The following CSMD1 variants were observed in gnomAD, a reference collection of about 807,000 sequenced individuals.
The protein encoded by CSMD1 is CUB and Sushi multiple domains 1, also known as CUB and sushi domain-containing protein 1.
In CSMD1, 213 loss-of-function variants were observed where a neutral mutation model predicts 417.5. The observed-to-expected ratio is 0.51, with a 90% CI of 0.46 to 0.57. CSMD1 has a LOEUF of 0.57. CSMD1 is among the 20% of genes least tolerant of loss of function. The pLI is 0.00. For missense variants in CSMD1, 6,923 were observed against 4,529.7 expected, an observed-to-expected ratio of 1.53 and a Z score of -15.17; for synonymous variants, 2,862 against 1,736.8, an observed-to-expected ratio of 1.65 and a Z score of -16.11.
At chr8:3,505,567 C>G (rs1030628190) in intron 10 of CSMD1, among the ~76,000 whole-genome samples, 1 of 152,128 alleles carries the variant, frequency 6.6e-6, no homozygotes, top group East Asian at 1.9e-4. Context: ...ACAGAATTCA[C>G]ACTAACAACA....
At chr8:4,972,801 T>C (rs947809733) in intron 1 of CSMD1, among the ~76,000 whole-genome samples, 1 of 151,932 alleles carries the variant, frequency 6.6e-6, no homozygotes, top group Non-Finnish European at 1.5e-5. Context: ...GAGCTAGGTG[T>C]TGTCTTGTTA....
chr8:3,246,848 G>C (rs1286611555), intron 26 of CSMD1, among the ~76,000 whole-genome samples: 3 of 152,102 alleles, frequency 2.0e-5, no homozygotes, highest in Non-Finnish European at 4.4e-5. Context: ...GTCTTTCATG[G>C]TGCCATTTTA....
Position 3,661,500 on chromosome 8 carries a change from T to C in CSMD1, c.1010-44703A>G, listed in dbSNP as rs183576514. Among the ~76,000 whole-genome samples, 4 of 109,886 alleles carry C rather than the reference T, an allele frequency of 3.6e-5. No individual in the cohort carries two copies. The East Asian group carries it at 1.3e-3, about 35-fold the overall frequency. 72.1% of individuals were successfully genotyped at this position (109,886 alleles called of 152,430 possible). On this transcript the variant is annotated intron_variant, in intron 7 of 69. Transcript: ENST00000635120. ...ATGTTCATTGCTCAATTAAACTGATTTTTTTTTCTTTTTTGAGACTGAGTC... is the reference window on the plus strand; with the variant it reads ...ATGTTCATTGCTCAATTAAACTGATCTTTTTTTCTTTTTTGAGACTGAGTC...
intron 12 of CSMD1, among the ~76,000 whole-genome samples, chr8:3,457,921 G>GA (rs1291397506): frequency 1.3e-5 from 2 of 152,140 alleles, no homozygotes; most frequent in African/African-American, 4.8e-5. Context: ...CATATGGCTG[G>GA]AAAAAAATAG....
chr8:4,327,111 C>G (rs913223163), intron 3 of CSMD1, among the ~76,000 whole-genome samples: 11 of 152,084 alleles, frequency 7.2e-5, no homozygotes, highest in Non-Finnish European at 1.5e-4. Context: ...AGAGGGGAAT[C>G]CAGCTGTAAT....
intron 5 of CSMD1, among the ~76,000 whole-genome samples, chr8:3,775,320 T>G (rs1484301652): frequency 6.6e-6 from 1 of 152,186 alleles, no homozygotes; most frequent in South Asian, 2.1e-4. Flanking sequence ...AGTGAAGTTA[T>G]GCAGGCAATG....
At chr8:4,154,512 G>C (rs950200628) in intron 3 of CSMD1, among the ~76,000 whole-genome samples, 51 of 152,144 alleles carry the variant, frequency 3.4e-4, no homozygotes, top group Non-Finnish European at 4.9e-4. Flanking sequence ...GTGCAGACAA[G>C]AGCCACTGTG....
intron 10 of CSMD1, among the ~76,000 whole-genome samples, chr8:3,564,807 A>G (rs1055272719): frequency 2.2e-4 from 33 of 152,074 alleles, no homozygotes; most frequent in Non-Finnish European, 4.1e-4. Flanking sequence ...GTGAGAGGGA[A>G]GTAGTCACCA....
chr8:4,890,094 T>A (rs1027232247), intron 1 of CSMD1, among the ~76,000 whole-genome samples: 6 of 152,112 alleles, frequency 3.9e-5, no homozygotes, highest in African/African-American at 1.4e-4. Context: ...CAGAAACTAG[T>A]TCTAAGAAAG....
At chr8:3,093,293 G>A (rs891346311) in intron 47 of CSMD1, among the ~76,000 whole-genome samples, 1 of 152,286 alleles carries the variant, frequency 6.6e-6, no homozygotes, top group East Asian at 1.9e-4. Flanking sequence ...CTGCAAGCCT[G>A]GGAGGGAGGC....
At chr8:4,235,978 G>T (rs1201306070) in intron 3 of CSMD1, among the ~76,000 whole-genome samples, 1 of 149,132 alleles carries the variant, frequency 6.7e-6, no homozygotes, top group African/African-American at 2.5e-5. Context: ...AAGCTACCTA[G>T]CAAGTGATTC....
At chr8:4,059,986 G>C (rs995830422) in intron 3 of CSMD1, among the ~76,000 whole-genome samples, 1 of 152,012 alleles carries the variant, frequency 6.6e-6, no homozygotes, top group Non-Finnish European at 1.5e-5. Context: ...CAGAGACACA[G>C]CCAAAAAAGA....
In CSMD1 at chr8:3,108,619, A is replaced by G; in HGVS notation, c.6738T>C (p.Phe2246=). 3 of 1,613,848 alleles carry G rather than the reference A, an allele frequency of 1.9e-6. No homozygotes were observed. The highest frequency in any genetic ancestry group is 2.5e-6 in the Non-Finnish European group (3 of 1,179,852). ...FHSDFSNGGF[F]VLNFHAFQLK... is the part of the protein sequence containing the mutation. ...TCAACTGACCGTGGAAATTGAGGAC[A>G]AAGAAGCCTCCATTTGAAAAGTCGC... The change falls in exon 44 of 70, where the codon TTT becomes TTC. Residue 2246 remains phenylalanine (F), a synonymous_variant. Transcript: ENST00000635120.
intron 26 of CSMD1, among the ~76,000 whole-genome samples, chr8:3,236,228 G>C (rs1195928850): frequency 2.0e-5 from 3 of 152,120 alleles, no homozygotes; most frequent in South Asian, 2.1e-4. Context: ...GAAAATGTGA[G>C]TTTCAATAAA....
chr8:3,080,255 T>G (rs1813989770), intron 49 of CSMD1, among the ~76,000 whole-genome samples: 1 of 152,168 alleles, frequency 6.6e-6, no homozygotes, highest in Admixed American at 6.5e-5. Context: ...ACAGAGAATT[T>G]CAGTTCTAAT....
At chr8:3,746,375 G>T (rs1302241490) in intron 6 of CSMD1, among the ~76,000 whole-genome samples, 1 of 152,144 alleles carries the variant, frequency 6.6e-6, no homozygotes, top group Non-Finnish European at 1.5e-5. Flanking sequence ...GAGATTTACT[G>T]GATACCATTG....
At chr8:3,748,743 G>A (rs968865817) in intron 6 of CSMD1, among the ~76,000 whole-genome samples, 2 of 152,146 alleles carry the variant, frequency 1.3e-5, no homozygotes, top group Non-Finnish European at 2.9e-5. Context: ...AACTCAAAAT[G>A]CCTTTCTAAT....
At chr8:3,481,349 A>C (rs190458065) in intron 11 of CSMD1, among the ~76,000 whole-genome samples, 2 of 152,220 alleles carry the variant, frequency 1.3e-5, no homozygotes, top group Admixed American at 1.3e-4. Flanking sequence ...AGTTCCATAA[A>C]TCTTACTTAA....
chr8:3,310,988 T>G (rs1392302750), intron 23 of CSMD1, among the ~76,000 whole-genome samples: 1 of 152,136 alleles, frequency 6.6e-6, no homozygotes, highest in Non-Finnish European at 1.5e-5. Flanking sequence ...GACTAAGAAG[T>G]GGTCAAGATG....
Sources: allele counts gnomAD v4.1 joint callset (sites outside exome capture counted in the v4.1 genomes callset), GRCh38; gene constraint gnomAD v4.1.1; transcripts MANE v1.5; gene names NCBI Gene and HGNC (gene_info 2026-07-23, HGNC 2026-07-21).